The following TBC1D32 variants were observed in gnomAD, a reference collection of about 807,000 sequenced individuals.
TBC1D32 encodes the protein protein broad-minded.
In TBC1D32, 151 loss-of-function variants were observed where a neutral mutation model predicts 170.3. The ratio of observed to expected loss-of-function variants is 0.89; its 90% CI spans 0.78 to 1.01. The LOEUF is 1.01. Ranked by LOEUF, TBC1D32 falls within the 50% of genes least tolerant of loss-of-function variation. TBC1D32 has a pLI of 0.00. For synonymous variants in TBC1D32, 498 were observed against 488.0 expected, an observed-to-expected ratio of 1.02 and a Z score of -0.27; for missense variants, 1,464 against 1,457.1, an observed-to-expected ratio of 1.00 and a Z score of -0.08.
chr6:121,290,101 T>C (rs1414350416), intron 12 of TBC1D32, among the ~76,000 whole-genome samples: 2 of 152,196 alleles, frequency 1.3e-5, no homozygotes, highest in East Asian at 3.9e-4. Context: ...AAGGACTTCA[T>C]GTCTAAAACA....
chr6:121,270,558 C>G (rs1005384559), intron 15 of TBC1D32, among the ~76,000 whole-genome samples: 2 of 152,024 alleles, frequency 1.3e-5, no homozygotes, highest in Non-Finnish European at 2.9e-5. Context: ...AAGACTAAAC[C>G]AAGAAGAAGC....
intron 21 of TBC1D32, among the ~76,000 whole-genome samples, 153 bp from the exon 22 acceptor site, chr6:121,205,316 G>GAATAAT (rs2069510932): frequency 1.3e-5 from 2 of 151,296 alleles, no homozygotes; most frequent in Non-Finnish European, 2.9e-5. Flanking sequence ...AGAAGAAGAA[G>GAATAAT]AAGAATAATA....
At chr6:121,124,314 A>G (rs548180424) in intron 26 of TBC1D32, among the ~76,000 whole-genome samples, 2 of 151,810 alleles carry the variant, frequency 1.3e-5, no homozygotes, top group African/African-American at 4.8e-5. Flanking sequence ...CTTGGTTTAC[A>G]TGTTTTTATT....
chr6:121,236,913 A>G (rs1204914780), intron 20 of TBC1D32: 1 of 152,082 alleles, frequency 6.6e-6, no homozygotes, highest in Non-Finnish European at 1.5e-5. Context: ...TAAAAAACCA[A>G]TCATATGTAT....
At chr6:121,301,311 G>T (rs1388331277) in intron 9 of TBC1D32, among the ~76,000 whole-genome samples, 1 of 152,114 alleles carries the variant, frequency 6.6e-6, no homozygotes, top group Non-Finnish European at 1.5e-5. Context: ...TGATAGACTG[G>T]ATAAAGAAAA....
At chr6:121,172,794 T>C (rs995400929) in intron 22 of TBC1D32, among the ~76,000 whole-genome samples, 14 of 152,240 alleles carry the variant, frequency 9.2e-5, no homozygotes, top group Middle Eastern at 3.2e-3. Context: ...CGTAGAGTTA[T>C]TGACTTCATA....
At chr6:121,180,652 A>T (rs1298179021) in intron 22 of TBC1D32, among the ~76,000 whole-genome samples, 1 of 152,110 alleles carries the variant, frequency 6.6e-6, no homozygotes, top group East Asian at 1.9e-4. Flanking sequence ...CTGGGGAAAC[A>T]CTACAGGACA....
chr6:121,245,760 G>A (rs1465760143), intron 17 of TBC1D32, among the ~76,000 whole-genome samples: 1 of 151,860 alleles, frequency 6.6e-6, no homozygotes, highest in Non-Finnish European at 1.5e-5. Flanking sequence ...ATTCAGGCCT[G>A]CACAAGAGGG....
chr6:121,100,025 C>A (rs1777842939), intron 30 of TBC1D32, among the ~76,000 whole-genome samples: 1 of 151,894 alleles, frequency 6.6e-6, no homozygotes, highest in Non-Finnish European at 1.5e-5. Flanking sequence ...ATGGTATGTA[C>A]CCAGTAGTCA....
At chr6:121,162,013 C>T (rs374246546) in intron 22 of TBC1D32, among the ~76,000 whole-genome samples, 1 of 152,118 alleles carries the variant, frequency 6.6e-6, no homozygotes, top group Admixed American at 6.5e-5. Flanking sequence ...GTCCTTTGCC[C>T]ACTTTTTAAT....
chr6:121,302,103 A>C (rs1342804957), intron 9 of TBC1D32, among the ~76,000 whole-genome samples: 1 of 152,152 alleles, frequency 6.6e-6, no homozygotes, highest in Non-Finnish European at 1.5e-5. Flanking sequence ...TTTAATATTG[A>C]CCATGTTCTG....
chr6:121,222,449 A>G (rs1794632250), intron 21 of TBC1D32, among the ~76,000 whole-genome samples: 1 of 152,200 alleles, frequency 6.6e-6, no homozygotes, highest in Non-Finnish European at 1.5e-5. Context: ...TAAATGATAG[A>G]AGTACCTATC....
At chr6:121,316,710 A>G (rs775021041) in intron 3 of TBC1D32, among the ~76,000 whole-genome samples, 3 of 152,092 alleles carry the variant, frequency 2.0e-5, no homozygotes, top group Non-Finnish European at 4.4e-5. Context: ...CAACTTGACC[A>G]ATGTACATAT....
chr6:121,228,122 ACC>A (rs1795288951), intron 20 of TBC1D32, among the ~76,000 whole-genome samples: 2 of 152,048 alleles, frequency 1.3e-5, no homozygotes, highest in South Asian at 4.2e-4. Flanking sequence ...CATTAGTCTT[ACC>A]CCTGTTTCAT....
At chr6:121,085,102 A>T (rs1776044386) in intron 31 of TBC1D32, among the ~76,000 whole-genome samples, 1 of 151,262 alleles carries the variant, frequency 6.6e-6, no homozygotes, top group Non-Finnish European at 1.5e-5. Flanking sequence ...TTAATGTCAA[A>T]TCTCATATAG....
chr6:121,105,978 A>G (rs1486843268), intron 30 of TBC1D32, 45 bp downstream of exon 30: 5 of 1,514,206 alleles, frequency 3.3e-6, no homozygotes. Flanking sequence ...ATTTGAAGAC[A>G]CTGAGATAAA....
intron 10 of TBC1D32, among the ~76,000 whole-genome samples, chr6:121,297,777 T>C (rs1805881143): frequency 6.6e-6 from 1 of 152,044 alleles, no homozygotes; most frequent in South Asian, 2.1e-4. Flanking sequence ...CTAAATAAAA[T>C]TAAAAATACA....
chr6:121,268,672 G>A (rs1013646165), intron 15 of TBC1D32, among the ~76,000 whole-genome samples: 1 of 152,174 alleles, frequency 6.6e-6, no homozygotes, highest in African/African-American at 2.4e-5. Flanking sequence ...ATGAAACCAA[G>A]TTGGAAAACG....
intron 22 of TBC1D32, among the ~76,000 whole-genome samples, chr6:121,178,417 C>T (rs903528313): frequency 2.0e-5 from 3 of 152,082 alleles, no homozygotes; most frequent in African/African-American, 7.2e-5. Flanking sequence ...AATGGGATCA[C>T]TACAGCTGCT....
Sources: allele counts gnomAD v4.1 joint callset (sites outside exome capture counted in the v4.1 genomes callset), GRCh38; gene constraint gnomAD v4.1.1; transcripts MANE v1.5; gene names NCBI Gene and HGNC (gene_info 2026-07-23, HGNC 2026-07-21).